The following TTC13 variants were observed in gnomAD, a reference collection of about 807,000 sequenced individuals.
TTC13 encodes tetratricopeptide repeat domain 13, also known as tetratricopeptide repeat protein 13.
TTC13 carries 62 observed loss-of-function variants against 120.0 expected under a neutral mutation model. That is an observed-to-expected ratio of 0.52 (90% CI 0.42 to 0.64). TTC13 has a LOEUF of 0.64. TTC13 is among the 30% of genes least tolerant of loss of function. The pLI is 0.00. For missense variants in TTC13, 824 were observed against 1,050.2 expected (o/e 0.78, Z 2.98); for synonymous variants, 384 against 393.5 (o/e 0.98, Z 0.28).
intron 2 of TTC13, among the ~76,000 whole-genome samples, chr1:230,958,725 T>C (rs1676341736): frequency 6.6e-6 from 1 of 152,240 alleles, no homozygotes; most frequent in African/African-American, 2.4e-5. Context: ...GCATGGTGGC[T>C]CACGCCTTTA....
chr1:230,925,705 A>T, intron 12 of TTC13, 58 bp from the exon 13 acceptor site: 1 of 1,592,930 alleles, frequency 6.3e-7, no homozygotes, highest in Non-Finnish European at 8.6e-7. Flanking sequence ...TGGTAATCCA[A>T]TTCCACCTGA....
chr1:230,915,909 C>G lies in TTC13; in HGVS notation c.2093+284G>C, dbSNP rs12758294. Among the ~76,000 whole-genome samples, 848 of 151,510 alleles carry G rather than the reference C, an allele frequency of 5.6e-3. 5 individuals carry two copies. The highest frequency in any genetic ancestry group is 0.041 in the Middle Eastern group (12 of 294). On this transcript the variant is annotated intron_variant, in intron 18 of 22. Coordinates refer to ENST00000366661, the MANE Select transcript of TTC13 (RefSeq NM_024525.5). ...ATTAGTAAAAGCCTCCCTCGCCCCC[C>G]CAAGGAACTTCAAGAACCCAGAAGA...
chr1:230,915,985 T>C (rs917892462), intron 18 of TTC13, among the ~76,000 whole-genome samples: 2 of 152,182 alleles, frequency 1.3e-5, no homozygotes, highest in Non-Finnish European at 2.9e-5. Context: ...TCCTTAGATT[T>C]AGACAGTCAG....
intron 18 of TTC13, among the ~76,000 whole-genome samples, chr1:230,913,308 A>G (rs887654944): frequency 2.6e-5 from 4 of 152,188 alleles, no homozygotes; most frequent in African/African-American, 9.6e-5. Flanking sequence ...CGGAGCCTAC[A>G]AAGAAAAGCT....
intron 8 of TTC13, chr1:230,936,640 T>C (rs1454348425): frequency 2.8e-5 from 5 of 180,554 alleles, no homozygotes; most frequent in East Asian, 1.4e-4. Context: ...GTTGTAAAAT[T>C]TGTAATGTAA....
chr1:230,945,539 C>T lies in TTC13; in HGVS notation c.514-85G>A, dbSNP rs937302064. 2.1e-5 allele frequency: 25 copies of T among 1,210,198 alleles called. No individual in the cohort carries two copies. In the Admixed American group the frequency reaches 2.2e-4, roughly 11 times the overall value. 75.0% of individuals were successfully genotyped at this position (1,210,198 alleles called of 1,614,324 possible). A position where few individuals can be genotyped will look rare whatever the true frequency, so the allele number is the denominator to read the frequency against. On this transcript the variant is annotated intron_variant, in intron 4 of 22. Coordinates refer to ENST00000366661, the MANE Select transcript of TTC13 (RefSeq NM_024525.5). Reference sequence around the variant, plus strand: ...GTTTCTGCTTAAAGCACGTTAATGCCGCAAGTGACAGCTCTACTTCTTTAT... The same window carrying T: ...GTTTCTGCTTAAAGCACGTTAATGCTGCAAGTGACAGCTCTACTTCTTTAT...
intron 1 of TTC13, among the ~76,000 whole-genome samples, chr1:230,971,994 T>C (rs1262427535): frequency 1.3e-5 from 2 of 152,212 alleles, no homozygotes; most frequent in African/African-American, 4.8e-5. Context: ...AGCTAGGCAC[T>C]GACATGAAAA....
At chr1:230,970,725 G>A (rs933001382) in intron 1 of TTC13, among the ~76,000 whole-genome samples, 1 of 152,210 alleles carries the variant, frequency 6.6e-6, no homozygotes, top group Non-Finnish European at 1.5e-5. Flanking sequence ...TGAGAAAACT[G>A]ACTGAAAGCT....
rs1674414097 is a variant in TTC13 at position 230,940,198 on chromosome 1, T to TC, written c.789+241_789+242insG. On this transcript the variant is annotated intron_variant, in intron 7 of 22. Transcript: ENST00000366661. This position sits in a 1 kb window ranked among gnomAD's most constrained non-coding sequence, Gnocchi z 4.1. ...CAAACTAAATTTATCTTTCTCTCTCTTTTTTTAAATGCCAGTCCAGAATTA... is the reference window on the plus strand; with the variant it reads ...CAAACTAAATTTATCTTTCTCTCTCTCTTTTTTAAATGCCAGTCCAGAATTA... Among the ~76,000 whole-genome samples, 1 of 152,214 alleles carries TC rather than the reference T, an allele frequency of 6.6e-6. No homozygotes were observed. The highest frequency in any genetic ancestry group is 1.5e-5 in the Non-Finnish European group (1 of 68,022).
At position 230,906,781 on chromosome 1, in the gene TTC13, A is replaced by G; in HGVS notation, c.*124T>C. On this transcript the variant is annotated 3_prime_UTR_variant, in exon 23 of 23. Coordinates refer to ENST00000366661, the MANE Select transcript of TTC13 (RefSeq NM_024525.5). ...GTAAAGAAAATGATTTCAAGTATTC[A>G]ATTCCTATAAAAATTGGTATCAAAA... is the stretch of plus-strand genomic sequence containing the variant. 1 of 425,004 alleles carries G rather than the reference A, an allele frequency of 2.4e-6. No homozygotes were observed. The highest frequency in any genetic ancestry group is 3.7e-5 in the East Asian group (1 of 26,820). 26.3% of individuals were successfully genotyped at this position (425,004 alleles called of 1,614,324 possible).
At chr1:230,907,410 CAA>C (rs1355422580) in intron 22 of TTC13, among the ~76,000 whole-genome samples, 3 of 152,196 alleles carry the variant, frequency 2.0e-5, no homozygotes, top group Non-Finnish European at 2.9e-5. Context: ...TCTTAACTCG[CAA>C]AGTTACCATG....
At chr1:230,929,185 G>T in intron 11 of TTC13, 92 bp from the exon 12 acceptor site, 1 of 1,301,414 alleles carries the variant, frequency 7.7e-7, no homozygotes, top group Non-Finnish European at 1.1e-6. Context: ...GTAACAAGCT[G>T]TTCTTCAATT....
chr1:230,911,251 C>G (rs952954683), intron 20 of TTC13: 24 of 341,612 alleles, frequency 7.0e-5, no homozygotes, highest in South Asian at 3.4e-4. Context: ...AATCCCTATC[C>G]TATTAAACGT....
At chr1:230,925,405 G>A (rs1672966927) in intron 13 of TTC13, 112 bp downstream of exon 13, 1 of 1,204,430 alleles carries the variant, frequency 8.3e-7, no homozygotes, top group Admixed American at 2.1e-5. Flanking sequence ...TGATCACATG[G>A]AGAATTTGAA....
intron 7 of TTC13, among the ~76,000 whole-genome samples, chr1:230,939,698 G>A (rs184797391): frequency 1.3e-3 from 200 of 152,226 alleles, no homozygotes; most frequent in African/African-American, 4.5e-3. Flanking sequence ...TAAGAAAAGC[G>A]ATTGTGAGAA....
chr1:230,963,899 A>G (rs1676886695), intron 1 of TTC13, among the ~76,000 whole-genome samples: 1 of 152,202 alleles, frequency 6.6e-6, no homozygotes, highest in Non-Finnish European at 1.5e-5. Context: ...AACCCCAACG[A>G]AAGGCTTTAG....
intron 3 of TTC13, among the ~76,000 whole-genome samples, 174 bp from the exon 4 acceptor site, chr1:230,954,577 C>A (rs1675880650): frequency 6.6e-6 from 1 of 152,212 alleles, no homozygotes; most frequent in Admixed American, 6.5e-5. Flanking sequence ...CCACTCCACA[C>A]TTGCTAATCA....
chr1:230,916,377 G>T, intron 17 of TTC13, 75 bp from the exon 18 acceptor site: 1 of 1,069,200 alleles, frequency 9.4e-7, no homozygotes, highest in Non-Finnish European at 1.5e-6. Flanking sequence ...CTGTAGTGCT[G>T]GCTCTACCTT....
chr1:230,924,974 C>T lies in TTC13; in HGVS notation c.1589-1G>A. 6.2e-7 allele frequency: 1 copy of T among 1,614,160 alleles called. No homozygotes were observed. The highest frequency in any genetic ancestry group is 8.5e-7 in the Non-Finnish European group (1 of 1,180,026). On this transcript the variant is annotated splice_acceptor_variant, in intron 13 of 22. Coordinates refer to ENST00000366661, the MANE Select transcript of TTC13 (RefSeq NM_024525.5). LOFTEE classifies it high-confidence loss of function. ...ACCTCCAATGCGGCCAAACCCATAG[C>T]TACGAGAAAGGAATATCGAGAAGAG...
Sources: allele counts gnomAD v4.1 joint callset (sites outside exome capture counted in the v4.1 genomes callset), GRCh38; gene constraint gnomAD v4.1.1; non-coding constraint Gnocchi (gnomAD v3.1); transcripts MANE v1.5; gene names NCBI Gene and HGNC (gene_info 2026-07-23, HGNC 2026-07-21).